ZNF845: variants seen among roughly 807,000 people sequenced by gnomAD.
ZNF845 encodes the protein zinc finger protein 845.
ZNF845 carries 59 observed loss-of-function variants against 76.1 expected under a neutral mutation model. That is an observed-to-expected ratio of 0.78 (90% CI 0.63 to 0.96). The LOEUF is 0.96. ZNF845 is among the 40% of genes least tolerant of loss of function. The probability of loss-of-function intolerance (pLI) is 0.00; values close to 1 mark genes in which losing one functional copy is unlikely to be tolerated. For missense variants in ZNF845, 1,045 were observed against 1,172.8 expected, an observed-to-expected ratio of 0.89 and a Z score of 1.59; for synonymous variants, 361 against 386.9, an observed-to-expected ratio of 0.93 and a Z score of 0.78.
At position 53,353,275 on chromosome 19, in the gene ZNF845, T is replaced by C; in HGVS notation, c.2600T>C (p.Val867Ala). Reference sequence around the variant, plus strand: ...TACAAGTGTAGTGAATGTGGCAAGGTTTTTAATAGAAAAGCAAACCTTTCA... The same window carrying C: ...TACAAGTGTAGTGAATGTGGCAAGGCTTTTAATAGAAAAGCAAACCTTTCA... Reference protein sequence around the residue: ...KPYKCSECGKVFNRKANLSRH... With the variant: ...KPYKCSECGKAFNRKANLSRH... The change falls in exon 4 of 4, where the codon GTT (valine) becomes GCT (alanine). Residue 867 changes from valine (V) to alanine (A), a missense_variant. Transcript: ENST00000458035. The C allele has an allele frequency of 6.2e-7, 1 of 1,613,040 alleles. No individual in the cohort carries two copies. The highest frequency in any genetic ancestry group is 8.5e-7 in the Non-Finnish European group (1 of 1,179,704).
At chr19:53,350,272 T>C (rs966515327) in intron 3 of ZNF845, among the ~76,000 whole-genome samples, 1 of 152,170 alleles carries the variant, frequency 6.6e-6, no homozygotes, top group African/African-American at 2.4e-5. Flanking sequence ...TAGCTGGGAC[T>C]ACAGGCATGG....
At position 53,344,615 on chromosome 19, in the gene ZNF845, T is replaced by TTATGTTATG. The variant is rs59952944; in HGVS notation, c.16-890_16-889insATGTTATGT. ...TTTTATTTTATTTTATTTATTTTATTTTATTTTATTTTATTTTATTTTATT... is the reference window on the plus strand; with the variant it reads ...TTTTATTTTATTTTATTTATTTTATTTATGTTATGTTATTTTATTTTATTTTATTTTATT... On this transcript the variant is annotated intron_variant, in intron 2 of 3. Coordinates refer to ENST00000458035, the MANE Select transcript of ZNF845 (RefSeq NM_138374.3). Among the ~76,000 whole-genome samples, 13 of 132,300 alleles carry TTATGTTATG rather than the reference T, an allele frequency of 9.8e-5. 1 individual carries two copies. Among genetic ancestry groups the TTATGTTATG allele is most frequent in the East Asian group, 2.6e-4 (1 of 3,914 alleles). The allele number at this position is 132,300 out of a possible 152,430, so 86.8% of individuals were successfully genotyped here. A position where few individuals can be genotyped will look rare whatever the true frequency, so the allele number is the denominator to read the frequency against.
chr19:53,352,203 C>A lies in ZNF845; in HGVS notation c.1528C>A (p.Leu510Ile), dbSNP rs748569255. Residue 510 changes from leucine to isoleucine, a missense_variant, in exon 4 of 4, where the codon CTT becomes ATT. By Grantham distance (5) the Leu-to-Ile change is conservative. Coordinates refer to ENST00000458035, the MANE Select transcript of ZNF845 (RefSeq NM_138374.3). ...TGAAGCTTTCAGTTTCAAATCAAAC[C>A]TTGAAAGACATAGGATAATTCATAC... The part of the protein sequence containing the change: ...CDEAFSFKSN[L>I]ERHRIIHTGE... 1 of 1,613,682 alleles carries A rather than the reference C, an allele frequency of 6.2e-7. No homozygotes were observed. The highest frequency in any genetic ancestry group is 8.5e-7 in the Non-Finnish European group (1 of 1,179,888).
At chr19:53,336,950 AT>A (rs2085219697) in intron 1 of ZNF845, among the ~76,000 whole-genome samples, 1 of 152,142 alleles carries the variant, frequency 6.6e-6, no homozygotes, top group Non-Finnish European at 1.5e-5. Context: ...TTTTGTTGTC[AT>A]TTGTTAAAAT....
At chr19:53,341,377 G>A in intron 2 of ZNF845, 55 bp downstream of exon 2, 1 of 1,610,974 alleles carries the variant, frequency 6.2e-7, no homozygotes, top group Non-Finnish European at 8.5e-7. Context: ...GAAATCCTGG[G>A]CCTTGGAGTT....
intron 3 of ZNF845, 151 bp from the exon 4 acceptor site, chr19:53,350,667 T>G: frequency 9.5e-7 from 1 of 1,048,010 alleles, no homozygotes; most frequent in East Asian, 2.6e-5. Flanking sequence ...CTTTATTTAT[T>G]GATGAATCTT....
chr19:53,345,467 C>G, intron 2 of ZNF845, 39 bp from the exon 3 acceptor site: 1 of 1,613,264 alleles, frequency 6.2e-7, no homozygotes, highest in African/African-American at 1.3e-5. Context: ...ATAAGAACTC[C>G]TCCCATAACC....
In ZNF845 at chr19:53,353,802, T is replaced by G; in HGVS notation, c.*214T>G. The G allele has an allele frequency of 6.7e-7, 1 of 1,502,736 alleles. No individual in the cohort carries two copies. Among genetic ancestry groups the G allele is most frequent in the Non-Finnish European group, 8.9e-7 (1 of 1,124,508 alleles). The allele number at this position is 1,502,736 out of a possible 1,614,324, so 93.1% of individuals were successfully genotyped here. On this transcript the variant is annotated 3_prime_UTR_variant, in exon 4 of 4. Coordinates refer to ENST00000458035, the MANE Select transcript of ZNF845 (RefSeq NM_138374.3). The stretch of plus-strand genomic sequence containing the variant: ...GCCTTTAGTGGGCAGTCAACACTTA[T>G]TCACCATCAGGCAATCCATGGTATA...
intron 3 of ZNF845, among the ~76,000 whole-genome samples, 182 bp downstream of exon 3, chr19:53,345,814 G>A (rs2085292140): frequency 6.6e-6 from 1 of 151,526 alleles, no homozygotes; most frequent in African/African-American, 2.4e-5. Flanking sequence ...TCCCCCAGTA[G>A]CTGGTACAGG....
At position 53,351,765 on chromosome 19, in the gene ZNF845, T is replaced by C. The variant is rs1473157745; in HGVS notation, c.1090T>C (p.Phe364Leu). 2.5e-6 allele frequency: 4 copies of C among 1,613,892 alleles called. No individual in the cohort carries two copies. The South Asian group carries it at 3.3e-5, about 13-fold the overall frequency. ...CAAATGTGAAGAATGTGACAAAGCT[T>C]TCAGTTTCAAATCAAACCTTGAAAG... ...PYKCEECDKA[F>L]SFKSNLERHR... The change falls in exon 4 of 4, where the codon TTC (phenylalanine) becomes CTC (leucine). Residue 364 changes from phenylalanine (F) to leucine (L), a missense_variant. Transcript: ENST00000458035.
At chr19:53,335,849 G>A (rs1289152530) in intron 1 of ZNF845, among the ~76,000 whole-genome samples, 1 of 151,976 alleles carries the variant, frequency 6.6e-6, no homozygotes, top group African/African-American at 2.4e-5. Flanking sequence ...TGATCCACCC[G>A]CCTTGGCCCC....
Position 53,355,554 on chromosome 19 carries a change from C to CA in ZNF845, c.*1969dup, listed in dbSNP as rs1316343179. On this transcript the variant is annotated 3_prime_UTR_variant, in exon 4 of 4. Coordinates refer to ENST00000458035, the MANE Select transcript of ZNF845 (RefSeq NM_138374.3). ...TCATTATCCGCCCACTTCGGACTTG[C>CA]AAATTGCTGGGATTATGGGTGTGAG... The CA allele has an allele frequency of 6.6e-5, 10 of 152,216 alleles. No individual in the cohort carries two copies. Among genetic ancestry groups the CA allele is most frequent in the African/African-American group, 2.4e-4 (10 of 41,528 alleles). The allele number at this position is 152,216 out of a possible 1,614,324, so 9.4% of individuals were successfully genotyped here.
chr19:53,339,349 C>T (rs534994594), intron 1 of ZNF845, among the ~76,000 whole-genome samples: 35 of 152,248 alleles, frequency 2.3e-4, no homozygotes, highest in Non-Finnish European at 4.6e-4. Flanking sequence ...CACCGTCACC[C>T]ACCCTATGCA....
At chr19:53,335,939 T>C (rs566844589) in intron 1 of ZNF845, among the ~76,000 whole-genome samples, 11 of 151,960 alleles carry the variant, frequency 7.2e-5, no homozygotes, top group African/African-American at 2.2e-4. Flanking sequence ...GCGTAGTGGC[T>C]CATGCCTGTA....
Position 53,353,214 on chromosome 19 carries a change from G to A in ZNF845, c.2539G>A (p.Glu847Lys). Residue 847 changes from glutamate to lysine, a missense_variant, in exon 4 of 4, where the codon GAA becomes AAA. Physicochemically the swap from Glu to Lys is moderately conservative, Grantham distance 56. Transcript: ENST00000458035. ...GACCTTCCGTCACAATTCAGCCCTT[G>A]AAATTCATAAGGCAATTCATACTGG... ...GKTFRHNSAL[E>K]IHKAIHTGEK... 1 of 1,613,786 alleles carries A rather than the reference G, an allele frequency of 6.2e-7. No homozygotes were observed. The highest frequency in any genetic ancestry group is 8.5e-7 in the Non-Finnish European group (1 of 1,179,846).
intron 2 of ZNF845, among the ~76,000 whole-genome samples, chr19:53,344,716 C>T (rs989881589): frequency 2.0e-5 from 3 of 151,264 alleles, no homozygotes; most frequent in African/African-American, 4.9e-5. Context: ...CCACAACCTC[C>T]GCCTCCCTGC....
At chr19:53,348,933 T>C (rs957651836) in intron 3 of ZNF845, among the ~76,000 whole-genome samples, 6 of 143,926 alleles carry the variant, frequency 4.2e-5, no homozygotes, top group South Asian at 4.5e-4. Context: ...CTCGTCTCAC[T>C]GCAACCTCCA....
chr19:53,342,279 T>C (rs866012739), intron 2 of ZNF845, among the ~76,000 whole-genome samples: 3 of 152,024 alleles, frequency 2.0e-5, no homozygotes, highest in Admixed American at 6.6e-5. Flanking sequence ...CACACCCGGA[T>C]AATTTAGTTG....
rs566024898 is a variant in ZNF845 at position 53,355,131 on chromosome 19, T to A, written c.*1543T>A. Reference sequence around the variant, plus strand: ...TTCACCATGTTGACCAGGTTTTTCTTGAACTCCTGACTTCAGGTGATCCGC... The same window carrying A: ...TTCACCATGTTGACCAGGTTTTTCTAGAACTCCTGACTTCAGGTGATCCGC... On this transcript the variant is annotated 3_prime_UTR_variant, in exon 4 of 4. Transcript: ENST00000458035. 2 of 152,096 alleles carry A rather than the reference T, an allele frequency of 1.3e-5. No individual in the cohort carries two copies. The highest frequency in any genetic ancestry group is 4.2e-4 in the South Asian group (2 of 4,810). The allele number at this position is 152,096 out of a possible 1,614,324, so 9.4% of individuals were successfully genotyped here.
Sources: allele counts gnomAD v4.1 joint callset (sites outside exome capture counted in the v4.1 genomes callset), GRCh38; gene constraint gnomAD v4.1.1; transcripts MANE v1.5; gene names NCBI Gene and HGNC (gene_info 2026-07-23, HGNC 2026-07-21).